Variants in CDKAL1 observed in about 807,000 individuals in gnomAD.
CDKAL1 encodes the protein threonylcarbamoyladenosine tRNA methylthiotransferase.
CDKAL1 carries 32 observed loss-of-function variants against 68.2 expected under a neutral mutation model. The observed-to-expected ratio is 0.47, with a 90% CI of 0.35 to 0.63. CDKAL1 has a LOEUF of 0.63. CDKAL1 is among the 30% of genes least tolerant of loss of function. The probability of loss-of-function intolerance (pLI) is 0.00; values close to 1 mark genes in which losing one functional copy is unlikely to be tolerated. For synonymous variants in CDKAL1, 234 were observed against 244.3 expected (o/e 0.96, Z 0.39); for missense variants, 606 against 696.7 (o/e 0.87, Z 1.47).
In CDKAL1 at chr6:20,739,531, G is replaced by C. The variant is rs1192548610; in HGVS notation, c.384G>C (p.Glu128Asp). ...HFRNSIKKAQ[E>D]ENKKIVLAGC... ...TTCAATCTTTTAGAAAAGCTCAAGA[G>C]GAGAACAAGAAAATCGTACTGGCTG... Residue 128 changes from glutamate (E) to aspartate (D), a missense_variant, in exon 6 of 16, where the codon GAG becomes GAC. Transcript: ENST00000274695. The C allele has an allele frequency of 6.2e-7, 1 of 1,610,218 alleles. No individual in the cohort carries two copies. Among genetic ancestry groups the C allele is most frequent in the Non-Finnish European group, 8.5e-7 (1 of 1,177,128 alleles).
At chr6:21,087,762 T>A (rs1203665745) in intron 12 of CDKAL1, among the ~76,000 whole-genome samples, 1 of 152,084 alleles carries the variant, frequency 6.6e-6, no homozygotes, top group African/African-American at 2.4e-5. Context: ...AATGTATATT[T>A]AATTATATTT....
At chr6:21,143,368 T>C (rs1277676047) in intron 13 of CDKAL1, among the ~76,000 whole-genome samples, 1 of 152,152 alleles carries the variant, frequency 6.6e-6, no homozygotes, top group African/African-American at 2.4e-5. Flanking sequence ...TGAAAGCAAG[T>C]GTATCTCAGG....
chr6:20,554,889 A>C (rs1218583579), intron 4 of CDKAL1, among the ~76,000 whole-genome samples: 1 of 152,218 alleles, frequency 6.6e-6, no homozygotes, highest in African/African-American at 2.4e-5. Context: ...CCATTGACTG[A>C]GGCTGTGGTT....
chr6:20,659,732 C>G (rs185182038), intron 5 of CDKAL1, among the ~76,000 whole-genome samples: 2 of 152,256 alleles, frequency 1.3e-5, no homozygotes, highest in Non-Finnish European at 2.9e-5. Flanking sequence ...ATGGACACCT[C>G]AAATCATCAT....
At chr6:20,982,145 C>A (rs901099785) in intron 10 of CDKAL1, among the ~76,000 whole-genome samples, 7 of 151,860 alleles carry the variant, frequency 4.6e-5, no homozygotes, top group Non-Finnish European at 1.0e-4. Context: ...TGGCTCATTG[C>A]AACCTCCACC....
In CDKAL1 at chr6:20,539,381, A is replaced by C. The variant is rs1015050431; in HGVS notation, c.-6+3987A>C. On this transcript the variant is annotated intron_variant, in intron 2 of 15. Coordinates refer to ENST00000274695, the MANE Select transcript of CDKAL1 (RefSeq NM_017774.3). This position sits in a 1 kb window ranked among gnomAD's most constrained non-coding sequence, Gnocchi z 4.3. ...ACGAAAACCTTTACCCTCACGAAGT[A>C]TGTATTCTAGTAAGATAAACAGTTA... Among the ~76,000 whole-genome samples, 5 of 152,222 alleles carry C rather than the reference A, an allele frequency of 3.3e-5. No homozygotes were observed. The highest frequency in any genetic ancestry group is 1.2e-4 in the African/African-American group (5 of 41,444).
intron 9 of CDKAL1, among the ~76,000 whole-genome samples, chr6:20,926,235 A>G (rs576300876): frequency 1.4e-4 from 21 of 152,296 alleles, no homozygotes; most frequent in African/African-American, 4.6e-4. Context: ...AGTTGTTTAC[A>G]TAAAGAATTT....
intron 5 of CDKAL1, among the ~76,000 whole-genome samples, chr6:20,651,058 A>G (rs913026367): frequency 1.3e-5 from 2 of 152,044 alleles, no homozygotes; most frequent in Non-Finnish European, 2.9e-5. Flanking sequence ...GTTTCATATG[A>G]ATTTTAAAGT....
At chr6:20,912,563 C>T (rs921112111) in intron 9 of CDKAL1, among the ~76,000 whole-genome samples, 10 of 152,146 alleles carry the variant, frequency 6.6e-5, no homozygotes, top group Non-Finnish European at 1.3e-4. Flanking sequence ...TTGTAAAAGC[C>T]AGATAGCCCA....
intron 8 of CDKAL1, among the ~76,000 whole-genome samples, chr6:20,794,803 C>G (rs1009507153): frequency 2.6e-4 from 40 of 152,222 alleles, no homozygotes; most frequent in Non-Finnish European, 4.7e-4. Context: ...ACACCTTCAT[C>G]TTTAGGATTT....
intron 4 of CDKAL1, among the ~76,000 whole-genome samples, chr6:20,645,770 TTTTATTTTATTTA>T (rs1768422822): frequency 1.7e-5 from 1 of 57,680 alleles, no homozygotes; most frequent in Non-Finnish European, 4.7e-5. Flanking sequence ...AAATAAATAA[TTTTATTTTATTTA>T]TTTATTTTAT....
intron 11 of CDKAL1, among the ~76,000 whole-genome samples, chr6:21,003,386 A>ACACACACACACACACACACACC (rs1767557362): frequency 7.7e-6 from 1 of 129,414 alleles, no homozygotes. Flanking sequence ...ACACACACAC[A>ACACACACACACACACACACACC]CACATATATA....
intron 13 of CDKAL1, among the ~76,000 whole-genome samples, chr6:21,123,128 A>G (rs944032159): frequency 1.3e-5 from 2 of 152,116 alleles, no homozygotes; most frequent in African/African-American, 4.8e-5. Flanking sequence ...TCTGGCTAAT[A>G]TTATTTTCCC....
At chr6:20,845,394 A>G (rs1479324418) in intron 8 of CDKAL1, among the ~76,000 whole-genome samples, 1 of 152,118 alleles carries the variant, frequency 6.6e-6, no homozygotes, top group Non-Finnish European at 1.5e-5. Flanking sequence ...TTAGTTTTAA[A>G]AAGACAATTC....
In CDKAL1 at chr6:21,080,676, GTTTAGCCCCAATGTGACAATGAT is replaced by G. The variant is rs144461974; in HGVS notation, c.1236+15449_1236+15471del. On this transcript the variant is annotated intron_variant, in intron 12 of 15. Transcript: ENST00000274695. ...CCACAGAGCACTGGCCCAACTTTTT[GTTTAGCCCCAATGTGACAATGAT>G]GAACTAAATTCCATTACCATGTAAA... Among the ~76,000 whole-genome samples, 1,020 of 152,212 alleles carry G rather than the reference GTTTAGCCCCAATGTGACAATGAT, an allele frequency of 6.7e-3. 39 individuals are homozygous for G. In the East Asian group the frequency reaches 0.11, roughly 17 times the overall value.
At chr6:21,003,375 C>T (rs55744599) in intron 11 of CDKAL1, among the ~76,000 whole-genome samples, 8,508 of 43,864 alleles carry the variant, frequency 0.19, 548 homozygotes, top group Middle Eastern at 0.36. Context: ...TATATATACA[C>T]ACACACACAC....
At chr6:20,738,106 G>A (rs1281795307) in intron 5 of CDKAL1, among the ~76,000 whole-genome samples, 1 of 152,166 alleles carries the variant, frequency 6.6e-6, no homozygotes, top group Non-Finnish European at 1.5e-5. Context: ...TTCTCAGTTG[G>A]TTTCAGAAAC....
chr6:20,727,549 T>A (rs1772712167), intron 5 of CDKAL1, among the ~76,000 whole-genome samples: 1 of 152,072 alleles, frequency 6.6e-6, no homozygotes, highest in Non-Finnish European at 1.5e-5. Flanking sequence ...TAAGGGTCAT[T>A]TGTAAGGTTT....
intron 11 of CDKAL1, among the ~76,000 whole-genome samples, chr6:21,032,187 C>G (rs1769329536): frequency 6.6e-6 from 1 of 152,024 alleles, no homozygotes; most frequent in Non-Finnish European, 1.5e-5. Context: ...ATTTTAGTTT[C>G]TCTATATGTT....
Sources: allele counts gnomAD v4.1 joint callset (sites outside exome capture counted in the v4.1 genomes callset), GRCh38; gene constraint gnomAD v4.1.1; non-coding constraint Gnocchi (gnomAD v3.1); transcripts MANE v1.5; gene names NCBI Gene and HGNC (gene_info 2026-07-23, HGNC 2026-07-21).